The following GTPBP4 variants were observed in gnomAD, a reference collection of about 807,000 sequenced individuals.
GTPBP4 encodes GTP-binding protein 4.
Under a neutral mutation model 81.7 loss-of-function variants are expected in GTPBP4, and 15 were observed. The observed-to-expected ratio is 0.18, with a 90% CI of 0.12 to 0.28. GTPBP4 has a LOEUF of 0.28. Ranked by LOEUF, GTPBP4 falls within the 10% of genes least tolerant of loss-of-function variation. The pLI is 1.00. For synonymous variants in GTPBP4, 272 were observed against 274.6 expected (o/e 0.99, Z 0.09); for missense variants, 847 against 793.8 (o/e 1.07, Z -0.81).
chr10:1,003,354 C>CA lies in GTPBP4; in HGVS notation c.912+2348dup, dbSNP rs545667917. ...ATTTTGTTTCTCATTGAGTTTCCTT[C>CA]AAAAAAATTATTATTTTGAATTCTC... On this transcript the variant is annotated intron_variant, in intron 8 of 16. Coordinates refer to ENST00000360803, the MANE Select transcript of GTPBP4 (RefSeq NM_012341.3). Among the ~76,000 whole-genome samples, 5 of 152,246 alleles carry CA rather than the reference C, an allele frequency of 3.3e-5. No homozygotes were observed. In the East Asian group the frequency reaches 9.6e-4, roughly 29 times the overall value.
At chr10:1,011,370 C>T (rs991213654) in intron 13 of GTPBP4, among the ~76,000 whole-genome samples, 29 of 152,170 alleles carry the variant, frequency 1.9e-4, no homozygotes, top group African/African-American at 7.0e-4. Context: ...CATCCTTAGA[C>T]CGTGTCCTCC....
At chr10:1,016,945 G>T (rs1167278657) in intron 16 of GTPBP4, 130 bp from the exon 17 acceptor site, 1 of 641,086 alleles carries the variant, frequency 1.6e-6, no homozygotes, top group Non-Finnish European at 2.7e-6. Flanking sequence ...TAAGAGAAAA[G>T]AGATGTAACA....
chr10:1,009,795 G>C (rs1272055335), intron 12 of GTPBP4, among the ~76,000 whole-genome samples: 1 of 152,192 alleles, frequency 6.6e-6, no homozygotes, highest in East Asian at 1.9e-4. Flanking sequence ...AGGAGTTTGA[G>C]ACCAACCTGG....
Position 1,007,367 on chromosome 10 carries a change from A to G in GTPBP4, c.1113+239A>G, listed in dbSNP as rs551407877. The stretch of plus-strand genomic sequence containing the variant: ...TCACTGTTAGTTTATCCTTCCAGAA[A>G]TGTTTCTGATATAGAAGATTAGTTT... On this transcript the variant is annotated intron_variant, in intron 10 of 16. Coordinates refer to ENST00000360803, the MANE Select transcript of GTPBP4 (RefSeq NM_012341.3). 2.1e-5 allele frequency: 8 copies of G among 389,344 alleles called. No homozygotes were observed. The East Asian group carries it at 2.5e-4, about 12-fold the overall frequency. The allele number at this position is 389,344 out of a possible 1,614,324, so 24.1% of individuals were successfully genotyped here.
intron 14 of GTPBP4, among the ~76,000 whole-genome samples, chr10:1,013,058 A>T (rs1483069535): frequency 6.6e-6 from 1 of 151,842 alleles, no homozygotes; most frequent in Admixed American, 6.6e-5. Context: ...ATCTTGGCTC[A>T]CTGCAGCCTC....
intron 11 of GTPBP4, among the ~76,000 whole-genome samples, chr10:1,009,282 C>G (rs1161126110): frequency 6.6e-6 from 1 of 152,194 alleles, no homozygotes; most frequent in Non-Finnish European, 1.5e-5. Flanking sequence ...GAAACAGCCT[C>G]TTCCTACCAG....
intron 5 of GTPBP4, among the ~76,000 whole-genome samples, chr10:997,946 G>A (rs1831562540): frequency 6.6e-6 from 1 of 152,208 alleles, no homozygotes; most frequent in South Asian, 2.1e-4. Context: ...GTTTGGCTGA[G>A]TTTCAGGGAC....
chr10:1,010,457 TA>T lies in GTPBP4; in HGVS notation c.1283del (p.Lys428ArgfsTer11). On this transcript the variant is annotated frameshift_variant, in exon 13 of 17. Transcript: ENST00000360803. LOFTEE classifies it high-confidence loss of function. The stretch of plus-strand genomic sequence containing the variant: ...TAATGAATTTGTCTGAAAAACATGA[TA>T]AGATACCAGAAATCTGGGAAGGCCA... ...DLMNLSEKHDKIPEIWEGHNI... is the reference protein window; with the variant it reads ...DLMNLSEKHDXIPEIWEGHNI... 6.3e-7 allele frequency: 1 copy of T among 1,582,430 alleles called. No homozygotes were observed.
Position 1,019,217 on chromosome 10 carries a change from T to C in GTPBP4, c.*1990T>C. On this transcript the variant is annotated 3_prime_UTR_variant, in exon 17 of 17. Coordinates refer to ENST00000360803, the MANE Select transcript of GTPBP4 (RefSeq NM_012341.3). ...CGCCTGCTTCAGGACTCTCAAGATC[T>C]CCCCAAGACTTTCAGGATCAGCTGC... 3.5e-6 allele frequency: 1 copy of C among 285,076 alleles called. No homozygotes were observed. The highest frequency in any genetic ancestry group is 8.3e-5 in the East Asian group (1 of 12,000). The allele number at this position is 285,076 out of a possible 1,614,324, so 17.7% of individuals were successfully genotyped here. A position where few individuals can be genotyped will look rare whatever the true frequency, so the allele number is the denominator to read the frequency against.
rs143786906 is a variant in GTPBP4 at position 992,640 on chromosome 10, C to T, written c.200C>T (p.Thr67Ile). ...NYHDRLSQIL[T>I]DFPKLDDIHP... ...CATGATAGACTTTCACAAATTCTAA[C>T]AGATTTCCCCAAATTGGATGTAAGT... is the stretch of plus-strand genomic sequence containing the variant. Residue 67 changes from threonine to isoleucine, a missense_variant, in exon 2 of 17, where the codon ACA (threonine) becomes ATA (isoleucine). This residue lies in a region of GTPBP4 where 241 missense variants were observed against 216.3 expected (regional missense o/e 1.11). Coordinates refer to ENST00000360803, the MANE Select transcript of GTPBP4 (RefSeq NM_012341.3). The T allele has an allele frequency of 3.7e-5, 60 of 1,605,072 alleles. No individual in the cohort carries two copies. The African/African-American group carries it at 7.0e-4, about 19-fold the overall frequency.
At position 1,007,007 on chromosome 10, in the gene GTPBP4, T is replaced by C. The variant is rs1371125324; in HGVS notation, c.1003-11T>C. ...GCGTTTGTGACTGTGCCTTCTTTTTTACGTTATTAGGCTTGCGATAGGCTT... is the reference window on the plus strand; with the variant it reads ...GCGTTTGTGACTGTGCCTTCTTTTTCACGTTATTAGGCTTGCGATAGGCTT... On this transcript the variant is annotated splice_polypyrimidine_tract_variant and intron_variant, in intron 9 of 16. Transcript: ENST00000360803. The C allele has an allele frequency of 5.1e-6, 8 of 1,570,128 alleles. No homozygotes were observed. The highest frequency in any genetic ancestry group is 3.3e-4 in the Middle Eastern group (2 of 6,010).
intron 1 of GTPBP4, 54 bp downstream of exon 1, chr10:988,581 C>G (rs1308796727): frequency 2.9e-6 from 4 of 1,391,062 alleles, no homozygotes; most frequent in South Asian, 1.2e-5. Context: ...CAGCTGGGTC[C>G]CCGGGGAGGG....
chr10:1,000,589 T>C (rs1270738909), intron 6 of GTPBP4, 88 bp from the exon 7 acceptor site: 2 of 619,382 alleles, frequency 3.2e-6, no homozygotes, highest in Admixed American at 3.8e-5. Flanking sequence ...TTAGGTCTGG[T>C]TGGGTGTGTG....
intron 6 of GTPBP4, among the ~76,000 whole-genome samples, chr10:1,000,235 C>CTT (rs11331615): frequency 4.1e-3 from 203 of 49,164 alleles, no homozygotes; most frequent in Non-Finnish European, 4.8e-3. Flanking sequence ...GGGAGACCTA[C>CTT]TTTTTTTTTT....
At chr10:1,006,419 A>C (rs1397818281) in intron 9 of GTPBP4, among the ~76,000 whole-genome samples, 1 of 152,038 alleles carries the variant, frequency 6.6e-6, no homozygotes, top group African/African-American at 2.4e-5. Context: ...CGGGTAGATC[A>C]CCCAAGGTCG....
chr10:991,869 G>A (rs1831450173), intron 1 of GTPBP4, among the ~76,000 whole-genome samples: 2 of 147,242 alleles, frequency 1.4e-5, no homozygotes, highest in Non-Finnish European at 3.0e-5. Context: ...CTAATTTTTT[G>A]TATTTTTAGT....
At position 1,009,514 on chromosome 10, in the gene GTPBP4, C is replaced by G. The variant is rs761017983; in HGVS notation, c.1192-15C>G. 3.8e-6 allele frequency: 6 copies of G among 1,584,326 alleles called. No homozygotes were observed. Among genetic ancestry groups the G allele is most frequent in the Non-Finnish European group, 3.5e-6 (4 of 1,152,952 alleles). ...GGCAAAATGAAGCTGATGATAATTT[C>G]TCTTTCTATTGCAGGAACGAGATCT... On this transcript the variant is annotated splice_polypyrimidine_tract_variant and intron_variant, in intron 11 of 16. Coordinates refer to ENST00000360803, the MANE Select transcript of GTPBP4 (RefSeq NM_012341.3).
chr10:990,494 G>A (rs1173871666), intron 1 of GTPBP4, among the ~76,000 whole-genome samples: 1 of 151,846 alleles, frequency 6.6e-6, no homozygotes, highest in Non-Finnish European at 1.5e-5. Flanking sequence ...AGGCTGAGGC[G>A]GGCAAATCAC....
At chr10:1,012,400 C>T in intron 13 of GTPBP4, 65 bp from the exon 14 acceptor site, 2 of 1,126,548 alleles carry the variant, frequency 1.8e-6, no homozygotes, top group Non-Finnish European at 2.6e-6. Flanking sequence ...CACACTCTGC[C>T]ACACTCACTG....
Sources: gnomAD v4.1 joint callset for allele counts (sites outside exome capture counted in the v4.1 genomes callset) on GRCh38, gnomAD v4.1.1 for gene constraint, gnomAD v4.1.1 regional missense constraint, MANE v1.5 for transcripts, NCBI Gene and HGNC (gene_info 2026-07-23, HGNC 2026-07-21) for gene names.